CHRNA4: variants seen among roughly 807,000 people sequenced by gnomAD.
CHRNA4 encodes neuronal acetylcholine receptor subunit alpha-4.
A neutral mutation model predicts 48.9 loss-of-function variants in CHRNA4; 28 were observed. The observed-to-expected ratio is 0.57, with a 90% CI of 0.42 to 0.79. The LOEUF is 0.79. Among genes scored for constraint, CHRNA4 ranks in the 30% least tolerant of loss-of-function variants. The probability of loss-of-function intolerance (pLI) is 0.00; values close to 1 mark genes in which losing one functional copy is unlikely to be tolerated. For missense variants in CHRNA4, 859 were observed against 898.4 expected (o/e 0.96, Z 0.56); for synonymous variants, 425 against 402.3 (o/e 1.06, Z -0.68).
intron 5 of CHRNA4, 96 bp from the exon 6 acceptor site, chr20:63,346,959 C>T: frequency 1.3e-6 from 2 of 1,564,774 alleles, no homozygotes; most frequent in Non-Finnish European, 1.7e-6. Flanking sequence ...GCTTCTCCAC[C>T]TCCCACCTTC....
chr20:63,359,173 T>TGCCCCG (rs2068763031), intron 2 of CHRNA4, among the ~76,000 whole-genome samples: 1 of 152,242 alleles, frequency 6.6e-6, no homozygotes, highest in Admixed American at 6.5e-5. Flanking sequence ...TGCCTGCTCC[T>TGCCCCG]GCCCCGGCCC....
Position 63,356,419 on chromosome 20 carries a change from G to C in CHRNA4, c.229-4C>G. On this transcript the variant is annotated splice_region_variant and splice_polypyrimidine_tract_variant and intron_variant, in intron 2 of 5. Transcript: ENST00000370263. ...TCATCATCTGGTTCTTCTCATCCTA[G>C]GGCACCGAGAGAGGAAGGGGGCCAG... 1 of 1,600,600 alleles carries C rather than the reference G, an allele frequency of 6.2e-7. No homozygotes were observed. The highest frequency in any genetic ancestry group is 8.5e-7 in the Non-Finnish European group (1 of 1,173,984).
chr20:63,359,109 G>T (rs960884320), intron 2 of CHRNA4, among the ~76,000 whole-genome samples: 4 of 152,190 alleles, frequency 2.6e-5, no homozygotes, highest in Non-Finnish European at 5.9e-5. Flanking sequence ...CCAGATCTGT[G>T]GGTGAGGGGC....
intron 2 of CHRNA4, among the ~76,000 whole-genome samples, chr20:63,358,812 C>T (rs529154071): frequency 4.6e-5 from 7 of 152,332 alleles, no homozygotes; most frequent in African/African-American, 7.2e-5. Flanking sequence ...GCCCCTTACC[C>T]GGCCCCTCCA....
Position 63,357,086 on chromosome 20 carries a change from A to G in CHRNA4, c.229-671T>C, listed in dbSNP as rs58328091. ...ATCTCCACGGACCACGTCCCCACAG[A>G]ACCACATCCCCACAGGACCACATTC... On this transcript the variant is annotated intron_variant, in intron 2 of 5. Transcript: ENST00000370263. 1.7e-3 allele frequency among the ~76,000 whole-genome samples: 213 copies of G among 126,274 alleles called. 1 individual carries two copies. The highest frequency in any genetic ancestry group is 6.1e-3 in the African/African-American group (193 of 31,900). The allele number at this position is 126,274 out of a possible 152,430, so 82.8% of individuals were successfully genotyped here.
chr20:63,346,966 C>T, intron 5 of CHRNA4, 103 bp from the exon 6 acceptor site: 1 of 1,550,578 alleles, frequency 6.4e-7, no homozygotes, highest in Admixed American at 1.7e-5. Context: ...CACCTCCCAC[C>T]TTCCACCCGA....
chr20:63,358,093 A>G (rs541704752), intron 2 of CHRNA4, among the ~76,000 whole-genome samples: 1 of 152,114 alleles, frequency 6.6e-6, no homozygotes, highest in South Asian at 2.1e-4. Context: ...AGCCTGTGCA[A>G]CCCGCATTGT....
intron 4 of CHRNA4, among the ~76,000 whole-genome samples, chr20:63,353,408 A>G (rs1399845127): frequency 6.9e-6 from 1 of 145,528 alleles, no homozygotes; most frequent in African/African-American, 2.6e-5. Context: ...ACAGGAGAAC[A>G]TGGGGTGGCA....
In CHRNA4 at chr20:63,346,231, A is replaced by G. The variant is rs1238479258; in HGVS notation, c.*507T>C. ...TGCTGGCTCACCCTCATGGGGCCCG[A>G]GAGGCTCAAGGACCCTGGGGGAGAA... On this transcript the variant is annotated 3_prime_UTR_variant, in exon 6 of 6. Transcript: ENST00000370263. The G allele has an allele frequency of 2.2e-6, 1 of 454,278 alleles. No homozygotes were observed. The highest frequency in any genetic ancestry group is 4.4e-6 in the Non-Finnish European group (1 of 226,994). 28.1% of individuals were successfully genotyped at this position (454,278 alleles called of 1,614,324 possible).
Position 63,350,051 on chromosome 20 carries a change from C to A in CHRNA4, c.1360G>T (p.Gly454Cys). 6.6e-7 allele frequency: 1 copy of A among 1,513,022 alleles called. No individual in the cohort carries two copies. The highest frequency in any genetic ancestry group is 8.9e-7 in the Non-Finnish European group (1 of 1,129,710). 93.7% of individuals were successfully genotyped at this position (1,513,022 alleles called of 1,614,324 possible). The change falls in exon 5 of 6, where the codon GGC (glycine) becomes TGC (cysteine). Residue 454 changes from glycine to cysteine, a missense_variant. By Grantham distance (159) the Gly-to-Cys change is radical. Coordinates refer to ENST00000370263, the MANE Select transcript of CHRNA4 (RefSeq NM_000744.7). ...TTGGCCAGCCCTGGTGCCTGGGTGC[C>A]GTGGGGCGGGCGGCAGGGTCCAGGC... ...PSPGPCRPPH[G>C]TQAPGLAKAR...
rs1260789653 is a variant in CHRNA4 at position 63,350,285 on chromosome 20, G to T, written c.1126C>A (p.His376Asn). ...DNCRRLIESM[H>N]KMASAPRFWP... Reference sequence around the variant, plus strand: ...AAGCGCGGGGCACTGGCCATCTTATGCATGGACTCGATGAGCCGCCGGCAA... The same window carrying T: ...AAGCGCGGGGCACTGGCCATCTTATTCATGGACTCGATGAGCCGCCGGCAA... The change falls in exon 5 of 6, where the codon CAT becomes AAT. Residue 376 changes from histidine to asparagine, a missense_variant. By Grantham distance (68) the His-to-Asn change is moderately conservative (BLOSUM62 1). Transcript: ENST00000370263. 1 of 1,612,630 alleles carries T rather than the reference G, an allele frequency of 6.2e-7. No individual in the cohort carries two copies. Among genetic ancestry groups the T allele is most frequent in the East Asian group, 2.2e-5 (1 of 44,870 alleles).
chr20:63,357,574 C>G (rs1419552160), intron 2 of CHRNA4, among the ~76,000 whole-genome samples: 1 of 152,256 alleles, frequency 6.6e-6, no homozygotes, highest in South Asian at 2.1e-4. Context: ...CACAAGCCCT[C>G]CCCTCCAGGA....
At position 63,350,895 on chromosome 20, in the gene CHRNA4, C is replaced by G; in HGVS notation, c.516G>C (p.Gln172His). 6.2e-7 allele frequency: 1 copy of G among 1,614,038 alleles called. No individual in the cohort carries two copies. The highest frequency in any genetic ancestry group is 8.5e-7 in the Non-Finnish European group (1 of 1,180,024). The change falls in exon 5 of 6, where the codon CAG (glutamine) becomes CAC (histidine). Residue 172 changes from glutamine to histidine, a missense_variant. This residue lies in a region of CHRNA4 where 342 missense variants were observed against 365.3 expected (regional missense o/e 0.94). Transcript: ENST00000370263. ...SIDVTFFPFD[Q>H]QNCTMKFGSW... ...AGCCGAATTTCATGGTGCAGTTCTGCTGGTCGAAGGGGAAGAAGGTGACGT... is the reference window on the plus strand; with the variant it reads ...AGCCGAATTTCATGGTGCAGTTCTGGTGGTCGAAGGGGAAGAAGGTGACGT...
At chr20:63,359,840 A>C in intron 1 of CHRNA4, 141 bp from the exon 2 acceptor site, 1 of 633,994 alleles carries the variant, frequency 1.6e-6, no homozygotes, top group Non-Finnish European at 2.3e-6. Context: ...TTCCCACCCC[A>C]GGACCTGTGT....
In CHRNA4 at chr20:63,350,787, C is replaced by G; in HGVS notation, c.624G>C (p.Glu208Asp). 1 of 1,613,806 alleles carries G rather than the reference C, an allele frequency of 6.2e-7. No homozygotes were observed. Among genetic ancestry groups the G allele is most frequent in the Admixed American group, 1.7e-5 (1 of 60,010 alleles). The change falls in exon 5 of 6, where the codon GAG (glutamate) becomes GAC (aspartate). Residue 208 changes from glutamate to aspartate, a missense_variant. Around this residue, in one of 3 missense-constraint regions of CHRNA4, gnomAD observed 342 missense variants for 365.3 expected, o/e 0.94. Transcript: ENST00000370263. ...VDQLDFWESG[E>D]WVIVDAVGTY... ...TGCCCACGGCATCCACGATGACCCACTCGCCACTCTCCCAGAAGTCCAGCT... is the reference window on the plus strand; with the variant it reads ...TGCCCACGGCATCCACGATGACCCAGTCGCCACTCTCCCAGAAGTCCAGCT...
intron 4 of CHRNA4, chr20:63,355,717 C>A: frequency 1.2e-6 from 1 of 833,744 alleles, no homozygotes; most frequent in Non-Finnish European, 1.8e-6. Context: ...CCGGCTCTGA[C>A]GCTCCAGTGC....
Position 63,351,282 on chromosome 20 carries a change from G to A in CHRNA4, c.384-255C>T, listed in dbSNP as rs142756311. On this transcript the variant is annotated intron_variant, in intron 4 of 5. Coordinates refer to ENST00000370263, the MANE Select transcript of CHRNA4 (RefSeq NM_000744.7). ...CGTCCACACACAGAGGCATTCTCACGTCACAGGAGCACAAAAGGGCTGGCG... is the reference window on the plus strand; with the variant it reads ...CGTCCACACACAGAGGCATTCTCACATCACAGGAGCACAAAAGGGCTGGCG... Among the ~76,000 whole-genome samples the A allele has an allele frequency of 5.2e-3, 423 of 81,958 alleles. 5 individuals carry two copies. Among genetic ancestry groups the A allele is most frequent in the Middle Eastern group, 0.014 (2 of 144 alleles). 53.8% of individuals were successfully genotyped at this position (81,958 alleles called of 152,430 possible).
Position 63,356,470 on chromosome 20 carries a change from C to T in CHRNA4, c.229-55G>A, listed in dbSNP as rs2273502. Reference sequence around the variant, plus strand: ...TGACCCCTTGGTGTCTTTCTCTGGCCCTAGGTTTCCTCATCTACAGCCACT... The same window carrying T: ...TGACCCCTTGGTGTCTTTCTCTGGCTCTAGGTTTCCTCATCTACAGCCACT... On this transcript the variant is annotated intron_variant, in intron 2 of 5. Transcript: ENST00000370263. 122,199 of 1,528,598 alleles carry T rather than the reference C, an allele frequency of 0.08. 5,730 individuals carry two copies. The highest frequency in any genetic ancestry group is 0.17 in the Middle Eastern group (1,010 of 5,954). The allele number at this position is 1,528,598 out of a possible 1,614,324, so 94.7% of individuals were successfully genotyped here. A position where few individuals can be genotyped will look rare whatever the true frequency, so the allele number is the denominator to read the frequency against.
chr20:63,351,246 G>A (rs200368330), intron 4 of CHRNA4: 24 of 362,850 alleles, frequency 6.6e-5, no homozygotes, highest in African/African-American at 2.0e-4. Context: ...CCACGTCCAC[G>A]TCCACGTCCA....
Sources: gnomAD v4.1 joint callset for allele counts (sites outside exome capture counted in the v4.1 genomes callset) on GRCh38, gnomAD v4.1.1 for gene constraint, gnomAD v4.1.1 regional missense constraint, MANE v1.5 for transcripts, NCBI Gene and HGNC (gene_info 2026-07-23, HGNC 2026-07-21) for gene names.